PSIP1: variants seen among roughly 807,000 people sequenced by gnomAD.
The protein encoded by PSIP1 is PC4 and SRSF1 interacting protein 1, also known as PC4 and SFRS1-interacting protein.
In PSIP1, 19 loss-of-function variants were observed where a neutral mutation model predicts 74.7. The ratio of observed to expected loss-of-function variants is 0.25; its 90% CI spans 0.18 to 0.37. PSIP1 has a LOEUF of 0.37. Among genes scored for constraint, PSIP1 ranks in the 10% least tolerant of loss-of-function variants. The probability of loss-of-function intolerance (pLI) is 1.00; values close to 1 mark genes in which losing one functional copy is unlikely to be tolerated. For missense variants in PSIP1, 601 were observed against 614.3 expected (o/e 0.98, Z 0.23); for synonymous variants, 222 against 195.3 (o/e 1.14, Z -1.14).
chr9:15,466,656 GCTT>G (rs1003216159), intron 15 of PSIP1, 89 bp downstream of exon 15: 9 of 965,026 alleles, frequency 9.3e-6, no homozygotes, highest in Middle Eastern at 2.2e-4. Flanking sequence ...AAAGATAACT[GCTT>G]ATTATAGTAA....
intron 3 of PSIP1, chr9:15,504,887 G>A (rs1563900732): frequency 6.6e-6 from 1 of 152,038 alleles, no homozygotes; most frequent in South Asian, 2.1e-4. Context: ...TCATCTGGAA[G>A]GCTTGTTAAA....
chr9:15,485,860 T>G, intron 6 of PSIP1, 146 bp downstream of exon 6: 2 of 631,602 alleles, frequency 3.2e-6, no homozygotes, highest in Non-Finnish European at 5.3e-6. Flanking sequence ...ACAGATAGTT[T>G]TGCCAAGTAA....
At chr9:15,506,348 C>T in intron 3 of PSIP1, 1 of 398,452 alleles carries the variant, frequency 2.5e-6, no homozygotes. Context: ...TTTCTACTTT[C>T]CTTTTTGGTT....
Position 15,465,309 on chromosome 9 carries a change from C to T in PSIP1, c.*211G>A. 2.2e-6 allele frequency: 1 copy of T among 459,226 alleles called. No homozygotes were observed. The highest frequency in any genetic ancestry group is 3.8e-6 in the Non-Finnish European group (1 of 264,272). The allele number at this position is 459,226 out of a possible 1,614,324, so 28.4% of individuals were successfully genotyped here. On this transcript the variant is annotated 3_prime_UTR_variant, in exon 16 of 16. Coordinates refer to ENST00000380733, the MANE Select transcript of PSIP1 (RefSeq NM_033222.5). ...TAACATTTTCTAAATGGATTTTATC[C>T]CACATTTACTGTATAATGTAGCTGT...
At position 15,472,661 on chromosome 9, in the gene PSIP1, G is replaced by A. The variant is rs2035890926; in HGVS notation, c.948C>T (p.Arg316=). The A allele has an allele frequency of 1.9e-6, 3 of 1,603,746 alleles. No homozygotes were observed. Among genetic ancestry groups the A allele is most frequent in the South Asian group, 1.1e-5 (1 of 88,020 alleles). ...CAGTTTCCATTTGTTCCTCTTGCTT[G>A]CGTTTTCGATCTGCTGCTTCTTTCT... ...QHEKEAADRK[R]KQEEQMETEQ... The change falls in exon 10 of 16, where the codon CGC becomes CGT. Residue 316 remains arginine (R), a synonymous_variant. Transcript: ENST00000380733.
chr9:15,500,190 G>A (rs1289825042), intron 3 of PSIP1, among the ~76,000 whole-genome samples: 2 of 152,154 alleles, frequency 1.3e-5, no homozygotes, highest in African/African-American at 2.4e-5. Context: ...AATAGGGCTG[G>A]GCGTGGTGGC....
In PSIP1 at chr9:15,466,779, T is replaced by C. The variant is rs958031604; in HGVS notation, c.1501A>G (p.Lys501Glu). The C allele has an allele frequency of 6.2e-7, 1 of 1,613,382 alleles. No homozygotes were observed. Among genetic ancestry groups the C allele is most frequent in the Admixed American group, 1.7e-5 (1 of 59,814 alleles). Reference sequence around the variant, plus strand: ...TTCGTGCTGGCTTCATGGTTGTCTTTGCTGTCTTCATTGCTCTCCCCGTTA... The same window carrying C: ...TTCGTGCTGGCTTCATGGTTGTCTTCGCTGTCTTCATTGCTCTCCCCGTTA... ...QHNGESNEDSKDNHEASTKKK... is the reference protein window; with the variant it reads ...QHNGESNEDSEDNHEASTKKK... The change falls in exon 15 of 16, where the codon AAA becomes GAA. Residue 501 changes from lysine (K) to glutamate (E), a missense_variant. Lys to Glu is a moderately conservative substitution (Grantham distance 56, BLOSUM62 1). Transcript: ENST00000380733.
chr9:15,478,403 ATCG>A, intron 8 of PSIP1, 71 bp downstream of exon 8: 11 of 1,099,904 alleles, frequency 1.0e-5, no homozygotes, highest in Non-Finnish European at 1.5e-5. Flanking sequence ...AACTGATAAA[ATCG>A]CAGAGATATG....
intron 3 of PSIP1, among the ~76,000 whole-genome samples, chr9:15,493,549 C>A (rs1383900824): frequency 6.6e-6 from 1 of 152,106 alleles, no homozygotes; most frequent in African/African-American, 2.4e-5. Context: ...ACCAATTTAC[C>A]ATATTAGTCA....
chr9:15,493,545 T>C (rs114725364), intron 3 of PSIP1, among the ~76,000 whole-genome samples: 1,990 of 152,272 alleles, frequency 0.013, 42 homozygotes, highest in African/African-American at 0.045. Context: ...TGGTACCAAT[T>C]TACCATATTA....
Position 15,490,139 on chromosome 9 carries a change from G to A in PSIP1, c.150-15C>T, listed in dbSNP as rs769307914. The A allele has an allele frequency of 5.8e-6, 9 of 1,563,828 alleles. No homozygotes were observed. Among genetic ancestry groups the A allele is most frequent in the South Asian group, 1.2e-5 (1 of 82,262 alleles). Reference sequence around the variant, plus strand: ...CTAAAAAAGCACTAAAAAAGAAGTGGGGAAGATGTGAGTGCAAAGCAAGCT... The same window carrying A: ...CTAAAAAAGCACTAAAAAAGAAGTGAGGAAGATGTGAGTGCAAAGCAAGCT... On this transcript the variant is annotated splice_polypyrimidine_tract_variant and intron_variant, in intron 3 of 15. Coordinates refer to ENST00000380733, the MANE Select transcript of PSIP1 (RefSeq NM_033222.5).
At chr9:15,499,855 C>T (rs1486217077) in intron 3 of PSIP1, among the ~76,000 whole-genome samples, 2 of 142,088 alleles carry the variant, frequency 1.4e-5, no homozygotes, top group East Asian at 2.1e-4. Context: ...GCCTGGACCA[C>T]AGAGCAAGAG....
Position 15,510,925 on chromosome 9 carries a change from G to C in PSIP1, c.-250C>G, listed in dbSNP as rs977564807. The C allele has an allele frequency of 6.5e-6, 1 of 153,040 alleles. No homozygotes were observed. Among genetic ancestry groups the C allele is most frequent in the African/African-American group, 2.4e-5 (1 of 41,436 alleles). 9.5% of individuals were successfully genotyped at this position (153,040 alleles called of 1,614,324 possible). On this transcript the variant is annotated 5_prime_UTR_variant, in exon 1 of 16. Transcript: ENST00000380733. ...TGCCGCAGAGGCGTCTCAACGGCTC[G>C]GAATCGCAACCGCGCCGCCGCTGCC...
In PSIP1 at chr9:15,465,361, T is replaced by A; in HGVS notation, c.*159A>T. 1 of 619,102 alleles carries A rather than the reference T, an allele frequency of 1.6e-6. No homozygotes were observed. Among genetic ancestry groups the A allele is most frequent in the Non-Finnish European group, 2.8e-6 (1 of 359,886 alleles). 38.4% of individuals were successfully genotyped at this position (619,102 alleles called of 1,614,324 possible). A position where few individuals can be genotyped will look rare whatever the true frequency, so the allele number is the denominator to read the frequency against. On this transcript the variant is annotated 3_prime_UTR_variant, in exon 16 of 16. Transcript: ENST00000380733. ...AATACTGCACAAGTACACTTAGCGA[T>A]AATGTTTACTTTACTTTAAAACAAA...
intron 6 of PSIP1, among the ~76,000 whole-genome samples, chr9:15,483,355 CG>C (rs2036419814): frequency 6.6e-6 from 1 of 151,866 alleles, no homozygotes; most frequent in African/African-American, 2.4e-5. Context: ...TTCCCTCCCC[CG>C]CCCCCTTTAC....
Position 15,510,156 on chromosome 9 carries a change from G to T in PSIP1, c.33C>A (p.Ile11=), listed in dbSNP as rs775108145. Residue 11 remains isoleucine (I), a synonymous_variant, in exon 2 of 16, where the codon ATC becomes ATA. Coordinates refer to ENST00000380733, the MANE Select transcript of PSIP1 (RefSeq NM_033222.5). Reference sequence around the variant, plus strand: ...GGGGATAACCTTTCATCTTGGCGAAGATGAGGTCTCCAGGTTTGAAATCGC... The same window carrying T: ...GGGGATAACCTTTCATCTTGGCGAATATGAGGTCTCCAGGTTTGAAATCGC... MTRDFKPGDL[I]FAKMKGYPHW... 1 of 1,608,914 alleles carries T rather than the reference G, an allele frequency of 6.2e-7. No homozygotes were observed. Among genetic ancestry groups the T allele is most frequent in the Non-Finnish European group, 8.5e-7 (1 of 1,177,706 alleles).
intron 10 of PSIP1, chr9:15,471,898 G>A (rs1239206441): frequency 6.1e-6 from 6 of 982,844 alleles, no homozygotes; most frequent in Non-Finnish European, 7.2e-6. Flanking sequence ...CAGAATGTAA[G>A]ACGCTTCACG....
intron 3 of PSIP1, among the ~76,000 whole-genome samples, chr9:15,497,809 C>T (rs1295291333): frequency 6.6e-6 from 1 of 152,104 alleles, no homozygotes; most frequent in African/African-American, 2.4e-5. Context: ...CATATCCTAT[C>T]AAAGTAAACT....
chr9:15,475,640 G>A lies in PSIP1; in HGVS notation c.630-1403C>T, dbSNP rs368411757. Among the ~76,000 whole-genome samples, 7 of 152,154 alleles carry A rather than the reference G, an allele frequency of 4.6e-5. No homozygotes were observed. The East Asian group carries it at 1.4e-3, about 29-fold the overall frequency. ...CATACAGTGGGATACCATGCAGCTG[G>A]TCTTTAAAAAGTGACTTTAGGGATT... On this transcript the variant is annotated intron_variant, in intron 8 of 15. Transcript: ENST00000380733.
Sources: gnomAD v4.1 joint callset for allele counts (sites outside exome capture counted in the v4.1 genomes callset) on GRCh38, gnomAD v4.1.1 for gene constraint, MANE v1.5 for transcripts, NCBI Gene and HGNC (gene_info 2026-07-23, HGNC 2026-07-21) for gene names.